The following ANKRD6 variants were observed in gnomAD, a reference collection of about 807,000 sequenced individuals.
ANKRD6 encodes ankyrin repeat domain 6, also known as ankyrin repeat domain-containing protein 6.
ANKRD6 carries 56 observed loss-of-function variants against 82.3 expected under a neutral mutation model. That is an observed-to-expected ratio of 0.68 (90% CI 0.55 to 0.85). The LOEUF (loss-of-function observed/expected upper bound fraction) is 0.85, where lower values mean the gene tolerates loss of function less well. Among genes scored for constraint, ANKRD6 ranks in the 40% least tolerant of loss-of-function variants. The pLI, the probability that ANKRD6 is intolerant of heterozygous loss-of-function variation, is 0.00. For synonymous variants in ANKRD6, 347 were observed against 352.1 expected (o/e 0.99, Z 0.16); for missense variants, 852 against 907.6 (o/e 0.94, Z 0.79).
At chr6:89,574,860 A>T (rs1790750580) in intron 2 of ANKRD6, among the ~76,000 whole-genome samples, 1 of 152,220 alleles carries the variant, frequency 6.6e-6, no homozygotes, top group African/African-American at 2.4e-5. Flanking sequence ...CTGAAAAATC[A>T]GCTGACAAAT....
intron 1 of ANKRD6, among the ~76,000 whole-genome samples, chr6:89,484,630 A>G (rs978296135): frequency 9.9e-5 from 15 of 152,220 alleles, no homozygotes; most frequent in African/African-American, 3.6e-4. Flanking sequence ...AGTTCAGTAC[A>G]CAGTGTGCAT....
chr6:89,630,846 T>C lies in ANKRD6; in HGVS notation c.2026T>C (p.Ser676Pro). The change falls in exon 16 of 16, where the codon TCT becomes CCT. Residue 676 changes from serine (S) to proline (P), a missense_variant. Transcript: ENST00000339746. ...TACCCAGTATTTTTTTGAGGCTGTT[T>C]CTACCCAGATGGAAAAGTGGTATGA... ...ELTQYFFEAVSTQMEKWYERK... is the reference protein window; with the variant it reads ...ELTQYFFEAVPTQMEKWYERK... 1 of 1,613,944 alleles carries C rather than the reference T, an allele frequency of 6.2e-7. No individual in the cohort carries two copies. Among genetic ancestry groups the C allele is most frequent in the Non-Finnish European group, 8.5e-7 (1 of 1,179,886 alleles).
intron 1 of ANKRD6, among the ~76,000 whole-genome samples, chr6:89,563,879 AG>A (rs1242785373): frequency 6.6e-6 from 1 of 152,130 alleles, no homozygotes; most frequent in Non-Finnish European, 1.5e-5. Context: ...TGAGGGAGGG[AG>A]AGAGGTGGTG....
chr6:89,533,698 G>A (rs895488610), intron 1 of ANKRD6, among the ~76,000 whole-genome samples: 18 of 149,742 alleles, frequency 1.2e-4, no homozygotes, highest in African/African-American at 2.7e-4. Context: ...CAGCCATCAC[G>A]AATGAGAGAG....
At chr6:89,576,438 C>G (rs941903195) in intron 2 of ANKRD6, among the ~76,000 whole-genome samples, 1 of 152,174 alleles carries the variant, frequency 6.6e-6, no homozygotes, top group Non-Finnish European at 1.5e-5. Context: ...GATAAAAGCA[C>G]TGGGTATGCT....
intron 1 of ANKRD6, among the ~76,000 whole-genome samples, chr6:89,538,237 T>G (rs1367907155): frequency 6.6e-6 from 1 of 152,236 alleles, no homozygotes; most frequent in Non-Finnish European, 1.5e-5. Flanking sequence ...ATTTTTCCCC[T>G]TGCAATTTTC....
At chr6:89,474,206 A>G (rs1364389467) in intron 1 of ANKRD6, among the ~76,000 whole-genome samples, 3 of 152,244 alleles carry the variant, frequency 2.0e-5, no homozygotes, top group Non-Finnish European at 4.4e-5. Flanking sequence ...GTGTGAACAC[A>G]CTGCCTATAG....
At position 89,612,315 on chromosome 6, in the gene ANKRD6, C is replaced by T; in HGVS notation, c.461C>T (p.Ser154Phe). 1 of 1,566,560 alleles carries T rather than the reference C, an allele frequency of 6.4e-7. No individual in the cohort carries two copies. The highest frequency in any genetic ancestry group is 8.7e-7 in the Non-Finnish European group (1 of 1,154,986). ...CACCTGGCCTGCCAGAACAGCCACT[C>T]CCAGAGCACGCGCGTCCTCCTGCTG... ...ALHLACQNSH[S>F]QSTRVLLLAG... The change falls in exon 6 of 16, where the codon TCC becomes TTC. Residue 154 changes from serine (S) to phenylalanine (F), a missense_variant. Physicochemically the swap from Ser to Phe is radical, Grantham distance 155. Transcript: ENST00000339746.
At chr6:89,503,839 T>C (rs1354969726) in intron 1 of ANKRD6, among the ~76,000 whole-genome samples, 2 of 152,024 alleles carry the variant, frequency 1.3e-5, no homozygotes, top group Admixed American at 6.5e-5. Flanking sequence ...AGAGGGACCA[T>C]AGTGCAAGGC....
intron 1 of ANKRD6, among the ~76,000 whole-genome samples, chr6:89,449,607 A>T (rs1276781850): frequency 6.6e-6 from 1 of 152,192 alleles, no homozygotes; most frequent in Non-Finnish European, 1.5e-5. Flanking sequence ...TTCAGACAAG[A>T]TGCTCTCAAA....
In ANKRD6 at chr6:89,623,394, C is replaced by A; in HGVS notation, c.898-16C>A. 6.2e-7 allele frequency: 1 copy of A among 1,604,980 alleles called. No homozygotes were observed. Among genetic ancestry groups the A allele is most frequent in the Non-Finnish European group, 8.5e-7 (1 of 1,176,746 alleles). ...GAAGCAAACACAATGGGTCTCTGGGCTTTTTCCTTCTGTAGGGCAGTGTCT... is the reference window on the plus strand; with the variant it reads ...GAAGCAAACACAATGGGTCTCTGGGATTTTTCCTTCTGTAGGGCAGTGTCT... On this transcript the variant is annotated splice_polypyrimidine_tract_variant and intron_variant, in intron 10 of 15. Coordinates refer to ENST00000339746, the MANE Select transcript of ANKRD6 (RefSeq NM_001242809.2).
intron 3 of ANKRD6, among the ~76,000 whole-genome samples, chr6:89,596,246 C>T (rs1365205004): frequency 6.6e-6 from 1 of 152,062 alleles, no homozygotes; most frequent in East Asian, 1.9e-4. Context: ...CATCATGGTT[C>T]ACTTCCTGTC....
At chr6:89,460,636 A>G (rs779818976) in intron 1 of ANKRD6, among the ~76,000 whole-genome samples, 7 of 152,012 alleles carry the variant, frequency 4.6e-5, no homozygotes, top group African/African-American at 9.6e-5. Context: ...GGGTTTCACC[A>G]TGTTGGCCAG....
At chr6:89,475,154 T>C (rs1365860281) in intron 1 of ANKRD6, among the ~76,000 whole-genome samples, 1 of 152,200 alleles carries the variant, frequency 6.6e-6, no homozygotes, top group African/African-American at 2.4e-5. Flanking sequence ...CACTTTAAGT[T>C]GTCAGAAAGC....
At chr6:89,502,182 G>A (rs1225003935) in intron 1 of ANKRD6, among the ~76,000 whole-genome samples, 1 of 152,118 alleles carries the variant, frequency 6.6e-6, no homozygotes, top group Non-Finnish European at 1.5e-5. Flanking sequence ...AGGATAGTAG[G>A]CATATCTGGG....
intron 1 of ANKRD6, among the ~76,000 whole-genome samples, chr6:89,451,985 C>A (rs938909982): frequency 1.3e-5 from 2 of 152,114 alleles, no homozygotes; most frequent in African/African-American, 4.8e-5. Flanking sequence ...ATACATGAGG[C>A]CAGGAGTTCA....
intron 8 of ANKRD6, among the ~76,000 whole-genome samples, chr6:89,617,717 C>T (rs1801940953): frequency 6.6e-6 from 1 of 152,244 alleles, no homozygotes; most frequent in African/African-American, 2.4e-5. Context: ...TCTGCCCTTG[C>T]CCTCTGGTGT....
intron 1 of ANKRD6, among the ~76,000 whole-genome samples, chr6:89,464,910 G>A (rs1774650097): frequency 6.6e-6 from 1 of 152,116 alleles, no homozygotes; most frequent in African/African-American, 2.4e-5. Context: ...TTGAAGGGAG[G>A]AAGAATGGTG....
chr6:89,447,731 C>G (rs978133594), intron 1 of ANKRD6, among the ~76,000 whole-genome samples: 11 of 152,106 alleles, frequency 7.2e-5, no homozygotes, highest in African/African-American at 2.7e-4. Context: ...TCTTGTTGCC[C>G]AGGCTGGAGA....
Sources: allele counts gnomAD v4.1 joint callset (sites outside exome capture counted in the v4.1 genomes callset), GRCh38; gene constraint gnomAD v4.1.1; transcripts MANE v1.5; gene names NCBI Gene and HGNC (gene_info 2026-07-23, HGNC 2026-07-21).